PDE1B: variants seen among roughly 807,000 people sequenced by gnomAD.
The protein encoded by PDE1B is phosphodiesterase 1B.
PDE1B carries 13 observed loss-of-function variants against 66.7 expected under a neutral mutation model. The ratio of observed to expected loss-of-function variants is 0.19; its 90% CI spans 0.13 to 0.31. The LOEUF is 0.31. Among genes scored for constraint, PDE1B ranks in the 10% least tolerant of loss-of-function variants. The probability of loss-of-function intolerance (pLI) is 1.00; values close to 1 mark genes in which losing one functional copy is unlikely to be tolerated. For synonymous variants in PDE1B, 230 were observed against 253.9 expected (o/e 0.91, Z 0.90); for missense variants, 485 against 682.3 (o/e 0.71, Z 3.22).
rs1182482492 is a variant in PDE1B, at chr12:54,577,581, A to G, written c.*17+236A>G. 3 of 1,513,448 alleles carry G rather than the reference A, an allele frequency of 2.0e-6. No individual in the cohort carries two copies. The African/African-American group carries it at 4.1e-5, about 21-fold the overall frequency. The allele number at this position is 1,513,448 out of a possible 1,614,324, so 93.8% of individuals were successfully genotyped here. ...GGAGGTACCTTCTCAGAACAGCAGC[A>G]GAACAGGGTGGGCCCATGCCAGGTG... On this transcript the variant is annotated intron_variant, in intron 15 of 15. Coordinates refer to ENST00000243052, the MANE Select transcript of PDE1B (RefSeq NM_000924.4).
chr12:54,575,924 G>A lies in PDE1B; in HGVS notation c.1268-68G>A. The A allele has an allele frequency of 1.7e-6, 2 of 1,177,734 alleles. No individual in the cohort carries two copies. The highest frequency in any genetic ancestry group is 2.4e-5 in the South Asian group (2 of 82,534). The allele number at this position is 1,177,734 out of a possible 1,614,324, so 73.0% of individuals were successfully genotyped here. ...GCAGCCAGGGGTCCTGGCCATGCCA[G>A]CTGCATGCTCTGCCTAGCCCTCCAG... On this transcript the variant is annotated intron_variant, in intron 12 of 15. Transcript: ENST00000243052. This position sits in a 1 kb window ranked among gnomAD's most constrained non-coding sequence, Gnocchi z 4.0.
At chr12:54,561,781 TGC>T (rs1491573850) in intron 2 of PDE1B, 32 of 470,370 alleles carry the variant, frequency 6.8e-5, no homozygotes, top group African/African-American at 2.9e-4. Flanking sequence ...TGTGTGTGTG[TGC>T]GCGTGCCAAC....
rs576724674 is a variant in PDE1B at position 54,575,659 on chromosome 12, G to A, written c.1267+27G>A. 9 of 1,473,096 alleles carry A rather than the reference G, an allele frequency of 6.1e-6. 1 individual carries two copies. In the South Asian group the frequency reaches 7.9e-5, roughly 13 times the overall value. 91.3% of individuals were successfully genotyped at this position (1,473,096 alleles called of 1,614,324 possible). ...TGAGTGTCCTCTCCTGCAGGAAGGG[G>A]AGGACTGGGAGGGGGAAAAGATGCT... is the stretch of plus-strand genomic sequence containing the variant. On this transcript the variant is annotated intron_variant, in intron 12 of 15. Transcript: ENST00000243052. The surrounding 1 kb of genome is among the most constrained non-coding windows in gnomAD (Gnocchi z 4.0).
intron 2 of PDE1B, chr12:54,561,378 C>T: frequency 1.0e-6 from 1 of 960,198 alleles, no homozygotes. Flanking sequence ...CCCTCTCACC[C>T]AGTTCCGGTA....
Position 54,575,951 on chromosome 12 carries a change from T to G in PDE1B, c.1268-41T>G. 7.3e-7 allele frequency: 1 copy of G among 1,371,008 alleles called. No homozygotes were observed. The highest frequency in any genetic ancestry group is 1.0e-6 in the Non-Finnish European group (1 of 959,204). The allele number at this position is 1,371,008 out of a possible 1,614,324, so 84.9% of individuals were successfully genotyped here. A position where few individuals can be genotyped will look rare whatever the true frequency, so the allele number is the denominator to read the frequency against. On this transcript the variant is annotated intron_variant, in intron 12 of 15. Coordinates refer to ENST00000243052, the MANE Select transcript of PDE1B (RefSeq NM_000924.4). The surrounding 1 kb of genome is among the most constrained non-coding windows in gnomAD (Gnocchi z 4.0). ...TGCATGCTCTGCCTAGCCCTCCAGA[T>G]AATAGTAAGACATCTCTACGGCATT...
In PDE1B at chr12:54,577,356, T is replaced by C. The variant is rs144704536; in HGVS notation, c.*17+11T>C. 1.4e-5 allele frequency: 22 copies of C among 1,613,232 alleles called. No individual in the cohort carries two copies. The highest frequency in any genetic ancestry group is 1.7e-5 in the Non-Finnish European group (20 of 1,179,672). The stretch of plus-strand genomic sequence containing the variant: ...CTGGGGCTGGCCCAGGTGAGCCTGT[T>C]GTGGTGGAGGGTGTAGGAGAGCTGG... On this transcript the variant is annotated intron_variant, in intron 15 of 15. Transcript: ENST00000243052.
chr12:54,573,122 C>G lies in PDE1B; in HGVS notation c.736-26C>G, dbSNP rs1033259716. The G allele has an allele frequency of 4.5e-6, 7 of 1,565,950 alleles. No homozygotes were observed. Among genetic ancestry groups the G allele is most frequent in the Non-Finnish European group, 6.2e-6 (7 of 1,136,166 alleles). On this transcript the variant is annotated intron_variant, in intron 7 of 15. Transcript: ENST00000243052. This position sits in a 1 kb window ranked among gnomAD's most constrained non-coding sequence, Gnocchi z 5.2. ...AGTGACCAGCAGGCGTCACCCCTCT[C>G]TCATTCTTTCTCTTTCCTCCTGTAG...
intron 2 of PDE1B, chr12:54,554,176 C>T (rs992557479): frequency 6.6e-6 from 1 of 152,170 alleles, no homozygotes; most frequent in Non-Finnish European, 1.5e-5. Flanking sequence ...GACTGGGTGC[C>T]TCATTGGTTT....
At chr12:54,562,029 A>G (rs1355354708) in intron 2 of PDE1B, among the ~76,000 whole-genome samples, 1 of 152,028 alleles carries the variant, frequency 6.6e-6, no homozygotes, top group Non-Finnish European at 1.5e-5. Context: ...CCCATCCCCT[A>G]TCTTATTCTA....
Position 54,549,611 on chromosome 12 carries a change from G to C in PDE1B, c.-175G>C, listed in dbSNP as rs1005892078. ...GGAGGCGGCTCTGGCAGCGCGCGGCGGCGGCGGCGGTAGCGGCAGCAGCAG... is the reference window on the plus strand; with the variant it reads ...GGAGGCGGCTCTGGCAGCGCGCGGCCGCGGCGGCGGTAGCGGCAGCAGCAG... On this transcript the variant is annotated 5_prime_UTR_variant, in exon 1 of 16. Coordinates refer to ENST00000243052, the MANE Select transcript of PDE1B (RefSeq NM_000924.4). The C allele has an allele frequency of 2.0e-5, 9 of 459,636 alleles. No individual in the cohort carries two copies. Among genetic ancestry groups the C allele is most frequent in the Admixed American group, 1.6e-4 (4 of 25,408 alleles). The allele number at this position is 459,636 out of a possible 1,614,324, so 28.5% of individuals were successfully genotyped here.
chr12:54,564,380 C>G (rs7953703), intron 2 of PDE1B, among the ~76,000 whole-genome samples: 34,752 of 151,046 alleles, frequency 0.23, 4,796 homozygotes, highest in East Asian at 0.36. Flanking sequence ...GTCTGTAATC[C>G]CAGCACTTTG....
In PDE1B at chr12:54,568,250, G is replaced by T. The variant is rs536825554; in HGVS notation, c.228-934G>T. Among the ~76,000 whole-genome samples, 7 of 152,174 alleles carry T rather than the reference G, an allele frequency of 4.6e-5. No homozygotes were observed. The South Asian group carries it at 1.5e-3, about 32-fold the overall frequency. ...AAGTTGAGGCAGCCTGATTGCTTGA[G>T]CCCAGGAATTCGAGACCAGCCTGGG... is the stretch of plus-strand genomic sequence containing the variant. On this transcript the variant is annotated intron_variant, in intron 3 of 15. Transcript: ENST00000243052.
chr12:54,574,595 A>G (rs1957695256), intron 10 of PDE1B: 1 of 152,652 alleles, frequency 6.6e-6, no homozygotes, highest in Non-Finnish European at 1.5e-5. Context: ...GCTCTCAGCT[A>G]CTAACCCGTG....
chr12:54,570,379 ACCTC>A, intron 6 of PDE1B, 22 bp downstream of exon 6: 3 of 1,348,548 alleles, frequency 2.2e-6, no homozygotes, highest in Admixed American at 1.7e-5. Context: ...TCCTACCTCT[ACCTC>A]CAGGCAGGAT....
rs770043452 is a variant in PDE1B at position 54,567,067 on chromosome 12, C to T, written c.207C>T (p.Ala69=). 25 of 1,588,854 alleles carry T rather than the reference C, an allele frequency of 1.6e-5. No homozygotes were observed. Among genetic ancestry groups the T allele is most frequent in the Middle Eastern group, 3.3e-4 (2 of 6,042 alleles). ...AGTACACAGCTTCTCTGCTGGAAGC[C>T]GTCTACATAGATGAGACACGGTGAG... ...NLEYTASLLE[A]VYIDETRQIL... The change falls in exon 3 of 16, where the codon GCC becomes GCT. Residue 69 remains alanine, a synonymous_variant. Coordinates refer to ENST00000243052, the MANE Select transcript of PDE1B (RefSeq NM_000924.4).
Position 54,575,494 on chromosome 12 carries a change from A to G in PDE1B, c.1186-57A>G. On this transcript the variant is annotated intron_variant, in intron 11 of 15. Coordinates refer to ENST00000243052, the MANE Select transcript of PDE1B (RefSeq NM_000924.4). The surrounding 1 kb of genome is among the most constrained non-coding windows in gnomAD (Gnocchi z 4.0). ...CCCCACCACTTGCCACCTGTACCCC[A>G]GATCTGGTAGGTCTGAGGTATCCTC... 8.0e-7 allele frequency: 1 copy of G among 1,247,362 alleles called. No individual in the cohort carries two copies. The allele number at this position is 1,247,362 out of a possible 1,614,324, so 77.3% of individuals were successfully genotyped here.
chr12:54,566,223 C>G (rs952320656), intron 2 of PDE1B, among the ~76,000 whole-genome samples: 1 of 152,184 alleles, frequency 6.6e-6, no homozygotes, highest in Non-Finnish European at 1.5e-5. Context: ...TGGGCCCACC[C>G]CACCACTTTT....
At chr12:54,564,282 GTTC>G (rs1460313553) in intron 2 of PDE1B, among the ~76,000 whole-genome samples, 1 of 149,992 alleles carries the variant, frequency 6.7e-6, no homozygotes, top group African/African-American at 2.5e-5. Flanking sequence ...TCACCTCACT[GTTC>G]TTCTGCAGGA....
Position 54,569,671 on chromosome 12 carries a change from C to T in PDE1B, c.477+59C>T, listed in dbSNP as rs77264028. 1.0e-3 allele frequency: 1,141 copies of T among 1,099,352 alleles called. 12 individuals carry two copies. In the African/African-American group the frequency reaches 0.015, roughly 15 times the overall value. 68.1% of individuals were successfully genotyped at this position (1,099,352 alleles called of 1,614,324 possible). ...TTAGGGGATGGAATAGCCACTGGGA[C>T]TTCTAGACCCTGTTTATGGCATTAT... is the stretch of plus-strand genomic sequence containing the variant. On this transcript the variant is annotated intron_variant, in intron 5 of 15. Transcript: ENST00000243052. This position sits in a 1 kb window ranked among gnomAD's most constrained non-coding sequence, Gnocchi z 4.4.
Sources: gnomAD v4.1 joint callset for allele counts (sites outside exome capture counted in the v4.1 genomes callset) on GRCh38, gnomAD v4.1.1 for gene constraint, Gnocchi (gnomAD v3.1) non-coding constraint, MANE v1.5 for transcripts, NCBI Gene and HGNC (gene_info 2026-07-23, HGNC 2026-07-21) for gene names.